NUSAP1: variants seen among roughly 807,000 people sequenced by gnomAD.
NUSAP1 encodes the protein nucleolar and spindle associated protein 1.
NUSAP1 carries 32 observed loss-of-function variants against 52.8 expected under a neutral mutation model. The ratio of observed to expected loss-of-function variants is 0.61; its 90% confidence interval spans 0.46 to 0.81. NUSAP1 has a LOEUF of 0.81. Ranked by LOEUF, NUSAP1 falls within the 40% of genes least tolerant of loss-of-function variation. The pLI, the probability that NUSAP1 is intolerant of heterozygous loss-of-function variation, is 0.00. For synonymous variants in NUSAP1, 195 were observed against 183.1 expected (o/e 1.06, Z -0.52); for missense variants, 499 against 522.3 (o/e 0.96, Z 0.43).
chr15:41,333,281 G>A (rs1181085309), intron 1 of NUSAP1, among the ~76,000 whole-genome samples: 2 of 152,190 alleles, frequency 1.3e-5, no homozygotes, highest in Non-Finnish European at 2.9e-5. Context: ...CACATGATAA[G>A]CTCTATTCCG....
chr15:41,355,064 C>T (rs923692604), intron 4 of NUSAP1, among the ~76,000 whole-genome samples: 12 of 151,912 alleles, frequency 7.9e-5, no homozygotes, highest in Admixed American at 2.0e-4. Flanking sequence ...TGCCCAGGCT[C>T]GTCTCAAACT....
chr15:41,368,902 C>CT (rs572008529), intron 7 of NUSAP1, among the ~76,000 whole-genome samples: 22 of 151,150 alleles, frequency 1.5e-4, no homozygotes, highest in African/African-American at 4.6e-4. Context: ...TCAGTTAATT[C>CT]TTTTTTTTGT....
chr15:41,377,698 CAAA>C (rs567198834), intron 10 of NUSAP1, among the ~76,000 whole-genome samples: 1 of 96,532 alleles, frequency 1.0e-5, no homozygotes, highest in Admixed American at 1.2e-4. Flanking sequence ...GGCGCCGTCT[CAAA>C]AAAAAAAAAA....
chr15:41,352,593 A>C (rs929522563), intron 4 of NUSAP1, among the ~76,000 whole-genome samples: 4 of 151,654 alleles, frequency 2.6e-5, no homozygotes, highest in African/African-American at 9.7e-5. Flanking sequence ...TTATTTATTT[A>C]TTTATTTATT....
At chr15:41,374,394 G>A (rs1206377865) in intron 8 of NUSAP1, among the ~76,000 whole-genome samples, 1 of 151,984 alleles carries the variant, frequency 6.6e-6, no homozygotes, top group African/African-American at 2.4e-5. Flanking sequence ...AAATTCTATG[G>A]GGTCCCTATA....
At chr15:41,341,815 T>C (rs1373295974) in intron 1 of NUSAP1, among the ~76,000 whole-genome samples, 1 of 152,190 alleles carries the variant, frequency 6.6e-6, no homozygotes, top group Non-Finnish European at 1.5e-5. Flanking sequence ...GAGACTGCCC[T>C]TTTCTCTGAG....
intron 10 of NUSAP1, among the ~76,000 whole-genome samples, chr15:41,378,791 A>C (rs948349625): frequency 6.6e-6 from 1 of 151,678 alleles, no homozygotes; most frequent in Non-Finnish European, 1.5e-5. Flanking sequence ...AAAGAAATCA[A>C]AGTCAAAGGT....
chr15:41,349,137 G>GAGATAC lies in NUSAP1; in HGVS notation c.207_212dup (p.Gln70_Ile71dup). ...TTCTGCATCCTCTTGTGATGAGACTGAGATACAGATCAGCAACCAGGAAGA... is the reference window on the plus strand; with the variant it reads ...TTCTGCATCCTCTTGTGATGAGACTGAGATACAGATACAGATCAGCAACCAGGAAGA... On this transcript the variant is annotated inframe_insertion, in exon 3 of 11. Transcript: ENST00000559596. 6.2e-7 allele frequency: 1 copy of GAGATAC among 1,613,886 alleles called. No individual in the cohort carries two copies. Among genetic ancestry groups the GAGATAC allele is most frequent in the African/African-American group, 1.3e-5 (1 of 75,044 alleles).
chr15:41,378,029 A>G (rs981234279), intron 10 of NUSAP1, among the ~76,000 whole-genome samples: 1 of 151,650 alleles, frequency 6.6e-6, no homozygotes, highest in African/African-American at 2.4e-5. Context: ...TAACTTTCTG[A>G]GTACATCTGC....
At chr15:41,379,757 G>C (rs544224631) in intron 10 of NUSAP1, among the ~76,000 whole-genome samples, 77 of 152,076 alleles carry the variant, frequency 5.1e-4, no homozygotes, top group African/African-American at 1.7e-3. Context: ...ATTTTGGCCA[G>C]GCTGGTCTCG....
intron 2 of NUSAP1, among the ~76,000 whole-genome samples, chr15:41,344,993 T>C (rs959723476): frequency 2.0e-5 from 3 of 152,064 alleles, no homozygotes; most frequent in African/African-American, 7.2e-5. Flanking sequence ...ACCTAATACA[T>C]GGAAACAATT....
intron 1 of NUSAP1, among the ~76,000 whole-genome samples, chr15:41,333,953 A>G (rs1347584623): frequency 1.3e-5 from 2 of 152,198 alleles, no homozygotes; most frequent in African/African-American, 2.4e-5. Context: ...ATGTTAGAAG[A>G]AGATTTGGGG....
intron 2 of NUSAP1, among the ~76,000 whole-genome samples, chr15:41,346,293 T>C (rs552194483): frequency 2.0e-5 from 3 of 151,904 alleles, no homozygotes; most frequent in Non-Finnish European, 4.4e-5. Context: ...ATATATTTTA[T>C]ATTTTTTTAT....
chr15:41,348,563 A>G (rs2048666183), intron 2 of NUSAP1, among the ~76,000 whole-genome samples: 1 of 151,986 alleles, frequency 6.6e-6, no homozygotes, highest in African/African-American at 2.4e-5. Context: ...TGAATACTTT[A>G]CTACCCTAAT....
intron 7 of NUSAP1, among the ~76,000 whole-genome samples, chr15:41,370,445 A>G (rs1182497412): frequency 2.0e-5 from 3 of 150,952 alleles, no homozygotes; most frequent in Non-Finnish European, 4.4e-5. Flanking sequence ...GCAAAACCCC[A>G]TCTCTACTAA....
intron 6 of NUSAP1, among the ~76,000 whole-genome samples, chr15:41,359,016 A>G (rs1301042717): frequency 6.6e-6 from 1 of 152,136 alleles, no homozygotes; most frequent in Non-Finnish European, 1.5e-5. Flanking sequence ...GATAAAGTCA[A>G]CTCTGAGGCT....
chr15:41,370,769 A>T (rs1033700451), intron 7 of NUSAP1, among the ~76,000 whole-genome samples: 2 of 150,930 alleles, frequency 1.3e-5, no homozygotes, highest in South Asian at 4.2e-4. Flanking sequence ...AAAAAAAAAA[A>T]AAATTAGCCA....
intron 2 of NUSAP1, chr15:41,343,045 A>G (rs1175162284): frequency 6.6e-6 from 1 of 152,242 alleles, no homozygotes; most frequent in Non-Finnish European, 1.5e-5. Context: ...GCATGATTTA[A>G]GTAGAGAGGG....
chr15:41,365,709 T>G (rs923027644), intron 7 of NUSAP1, 120 bp downstream of exon 7: 1 of 648,260 alleles, frequency 1.5e-6, no homozygotes, highest in Non-Finnish European at 2.3e-6. Flanking sequence ...GTGATGTTTC[T>G]TTTCTTTTCT....
Sources: allele counts gnomAD v4.1 joint callset (sites outside exome capture counted in the v4.1 genomes callset), GRCh38; gene constraint gnomAD v4.1.1; transcripts MANE v1.5; gene names NCBI Gene and HGNC (gene_info 2026-07-23, HGNC 2026-07-21).